The following PSEN1 variants were observed in gnomAD, a reference collection of about 807,000 sequenced individuals.
PSEN1 encodes presenilin 1, also known as presenilin-1.
In PSEN1, 15 loss-of-function variants were observed where a neutral mutation model predicts 53.5. The ratio of observed to expected loss-of-function variants is 0.28; its 90% confidence interval spans 0.19 to 0.43. PSEN1 has a LOEUF of 0.43. Among genes scored for constraint, PSEN1 ranks in the 20% least tolerant of loss-of-function variants. The pLI is 1.00. For synonymous variants in PSEN1, 208 were observed against 209.8 expected (o/e 0.99, Z 0.08); for missense variants, 387 against 571.2 (o/e 0.68, Z 3.29).
intron 3 of PSEN1, among the ~76,000 whole-genome samples, chr14:73,161,180 G>A (rs1206939454): frequency 6.6e-6 from 1 of 151,850 alleles, no homozygotes. Context: ...TCACCATGTT[G>A]CCCAGGCTGG....
intron 9 of PSEN1, 58 bp downstream of exon 9, chr14:73,206,530 C>A: frequency 8.6e-7 from 1 of 1,163,946 alleles, no homozygotes; most frequent in Non-Finnish European, 1.3e-6. Context: ...TATAAGCTAA[C>A]AGTATAGCAA....
At chr14:73,145,833 G>A (rs916490532) in intron 1 of PSEN1, among the ~76,000 whole-genome samples, 11 of 152,078 alleles carry the variant, frequency 7.2e-5, no homozygotes, top group African/African-American at 1.4e-4. Context: ...GGGCTGGTTC[G>A]TGGTGGCTCA....
chr14:73,209,919 A>C (rs181295963), intron 9 of PSEN1, among the ~76,000 whole-genome samples: 3 of 152,286 alleles, frequency 2.0e-5, no homozygotes, highest in Admixed American at 1.3e-4. Flanking sequence ...ATATTGCAAG[A>C]TATTTAACAT....
At chr14:73,178,153 T>C (rs1898099423) in intron 5 of PSEN1, among the ~76,000 whole-genome samples, 1 of 150,796 alleles carries the variant, frequency 6.6e-6, no homozygotes, top group African/African-American at 2.4e-5. Context: ...CTCCTGGCCT[T>C]AAGTATTCCG....
chr14:73,144,113 T>C (rs1451380294), intron 1 of PSEN1, among the ~76,000 whole-genome samples: 1 of 138,980 alleles, frequency 7.2e-6, no homozygotes, highest in Non-Finnish European at 1.5e-5. Context: ...TAATCTCAGC[T>C]GACTGCAACC....
intron 7 of PSEN1, among the ~76,000 whole-genome samples, chr14:73,193,183 AC>A (rs1164603063): frequency 1.3e-5 from 2 of 151,984 alleles, no homozygotes; most frequent in East Asian, 3.9e-4. Flanking sequence ...GGTGGTGCAC[AC>A]CTGTAGTTCC....
chr14:73,152,091 T>G (rs578218136), intron 3 of PSEN1, among the ~76,000 whole-genome samples: 17 of 150,344 alleles, frequency 1.1e-4, no homozygotes, highest in Non-Finnish European at 1.9e-4. Context: ...TTTTGTATTT[T>G]TCATAGAGGC....
chr14:73,138,069 C>CAAAAA (rs768639296), intron 1 of PSEN1: 1 of 113,056 alleles, frequency 8.8e-6, no homozygotes, highest in African/African-American at 3.1e-5. Flanking sequence ...GAGACTGTCT[C>CAAAAA]AAAAAAAAAA....
At chr14:73,155,707 TG>T in intron 3 of PSEN1, among the ~76,000 whole-genome samples, 1 of 151,988 alleles carries the variant, frequency 6.6e-6, no homozygotes, top group Non-Finnish European at 1.5e-5. Context: ...TTTGTAGAGC[TG>T]GGGTCTCGTT....
At chr14:73,200,017 G>A (rs1222683133) in intron 8 of PSEN1, among the ~76,000 whole-genome samples, 1 of 152,160 alleles carries the variant, frequency 6.6e-6, no homozygotes, top group African/African-American at 2.4e-5. Context: ...AAAATGCCAG[G>A]ATTATAGCTG....
intron 5 of PSEN1, among the ~76,000 whole-genome samples, chr14:73,177,055 C>T (rs560207155): frequency 6.6e-6 from 1 of 152,278 alleles, no homozygotes; most frequent in Admixed American, 6.5e-5. Context: ...TATTGCCTCC[C>T]ACTTGACACT....
Position 73,173,603 on chromosome 14 carries a change from G to A in PSEN1, c.376G>A (p.Gly126Ser). 1 of 1,613,900 alleles carries A rather than the reference G, an allele frequency of 6.2e-7. No homozygotes were observed. The highest frequency in any genetic ancestry group is 8.5e-7 in the Non-Finnish European group (1 of 1,179,850). The part of the protein sequence containing the change: ...TPFTEDTETV[G>S]QRALHSILNA... The stretch of plus-strand genomic sequence containing the variant: ...ATTCACAGAAGATACCGAGACTGTG[G>A]GCCAGAGAGCCCTGCACTCAATTCT... The change falls in exon 5 of 12, where the codon GGC becomes AGC. Residue 126 changes from glycine to serine, a missense_variant. By Grantham distance (56) the Gly-to-Ser change is moderately conservative. Transcript: ENST00000324501.
chr14:73,189,043 C>T (rs774724179), intron 6 of PSEN1, among the ~76,000 whole-genome samples: 4 of 151,946 alleles, frequency 2.6e-5, no homozygotes, highest in African/African-American at 7.3e-5. Context: ...CACCTGCCTC[C>T]GCCTCCCAAA....
chr14:73,162,802 G>A (rs1310164839), intron 3 of PSEN1, among the ~76,000 whole-genome samples: 3 of 152,180 alleles, frequency 2.0e-5, no homozygotes, highest in African/African-American at 7.2e-5. Context: ...GTATGTGTTT[G>A]TATTTGCTTG....
At position 73,136,745 on chromosome 14, in the gene PSEN1, C is replaced by T. The variant is rs73305007; in HGVS notation, c.-136+162C>T. On this transcript the variant is annotated intron_variant, in intron 1 of 11. Transcript: ENST00000324501. ...GGGCTGGGGAACCCCGTGTGGGAAA[C>T]CAGGAGGGGCGGCCCGTTTCTCGGG... The T allele has an allele frequency of 4.9e-3, 745 of 152,522 alleles. 5 individuals are homozygous for T. Among genetic ancestry groups the T allele is most frequent in the African/African-American group, 0.016 (684 of 41,578 alleles). 9.4% of individuals were successfully genotyped at this position (152,522 alleles called of 1,614,324 possible).
intron 1 of PSEN1, among the ~76,000 whole-genome samples, chr14:73,137,519 T>G (rs943925080): frequency 6.6e-6 from 1 of 152,032 alleles, no homozygotes; most frequent in African/African-American, 2.4e-5. Context: ...AGATTTCCAG[T>G]TGATGTTGGA....
At chr14:73,143,182 T>A (rs981612067) in intron 1 of PSEN1, among the ~76,000 whole-genome samples, 1 of 152,244 alleles carries the variant, frequency 6.6e-6, no homozygotes, top group African/African-American at 2.4e-5. Flanking sequence ...TAGCTTTGCC[T>A]GCCCCTTTCT....
chr14:73,218,613 CGGAGGAGCCTGTGCGGG>C (rs1445528896), intron 11 of PSEN1, among the ~76,000 whole-genome samples: 1 of 151,956 alleles, frequency 6.6e-6, no homozygotes, highest in African/African-American at 2.4e-5. Flanking sequence ...TCATGCTTCA[CGGAGGAGCCTGTGCGGG>C]AAGAATGCTC....
intron 7 of PSEN1, 126 bp from the exon 8 acceptor site, chr14:73,197,905 G>T: frequency 1.6e-6 from 1 of 629,088 alleles, no homozygotes; most frequent in Admixed American, 2.4e-5. Context: ...TTCATTCAAC[G>T]TCTTTTTGTG....
Sources: gnomAD v4.1 joint callset for allele counts (sites outside exome capture counted in the v4.1 genomes callset) on GRCh38, gnomAD v4.1.1 for gene constraint, MANE v1.5 for transcripts, NCBI Gene and HGNC (gene_info 2026-07-23, HGNC 2026-07-21) for gene names.